Variants in BANK1 observed in about 807,000 individuals in gnomAD.
The protein encoded by BANK1 is B-cell scaffold protein with ankyrin repeats.
Under a neutral mutation model 94.5 loss-of-function variants are expected in BANK1, and 95 were observed. The observed-to-expected ratio is 1.00, with a 90% confidence interval of 0.85 to 1.19. The LOEUF (loss-of-function observed/expected upper bound fraction) is 1.19, where lower values mean the gene tolerates loss of function less well. Among genes scored for constraint, BANK1 ranks in the 50% most tolerant of loss-of-function variants. The pLI, the probability that BANK1 is intolerant of heterozygous loss-of-function variation, is 0.00. For synonymous variants in BANK1, 334 were observed against 308.4 expected (o/e 1.08, Z -0.87); for missense variants, 987 against 932.2 (o/e 1.06, Z -0.77).
chr4:102,003,241 T>G (rs1257654281), intron 7 of BANK1, among the ~76,000 whole-genome samples: 2 of 152,170 alleles, frequency 1.3e-5, no homozygotes, highest in Non-Finnish European at 2.9e-5. Context: ...TATATTGTTG[T>G]GTAAAAAAGC....
intron 7 of BANK1, among the ~76,000 whole-genome samples, chr4:102,018,555 A>G (rs1726789229): frequency 6.6e-6 from 1 of 152,206 alleles, no homozygotes; most frequent in Non-Finnish European, 1.5e-5. Context: ...AGTCAACAAG[A>G]TATTCTCTTT....
intron 1 of BANK1, among the ~76,000 whole-genome samples, chr4:101,819,255 A>G (rs115605889): frequency 0.025 from 3,798 of 152,222 alleles, 56 homozygotes; most frequent in South Asian, 0.046. Context: ...TTTCCCTAGT[A>G]CACGTGCCTT....
intron 7 of BANK1, chr4:101,972,728 G>A (rs1161422643): frequency 6.6e-6 from 1 of 151,992 alleles, no homozygotes; most frequent in African/African-American, 2.4e-5. Flanking sequence ...CACAGCTCTT[G>A]TCATAACTCA....
chr4:101,914,554 C>T (rs1465476562), intron 6 of BANK1, among the ~76,000 whole-genome samples: 8 of 152,196 alleles, frequency 5.3e-5, no homozygotes, highest in East Asian at 3.9e-4. Context: ...ATAAAGTAAT[C>T]GAATAAGTCA....
At chr4:101,998,127 CA>C (rs1247406459) in intron 7 of BANK1, among the ~76,000 whole-genome samples, 2 of 152,136 alleles carry the variant, frequency 1.3e-5, no homozygotes, top group Non-Finnish European at 2.9e-5. Flanking sequence ...TCTTTGTTCC[CA>C]TTGGTTTCAA....
intron 10 of BANK1, among the ~76,000 whole-genome samples, chr4:102,038,980 G>A (rs958252406): frequency 2.6e-5 from 4 of 152,002 alleles, no homozygotes; most frequent in South Asian, 2.1e-4. Context: ...GAATTTTTAC[G>A]CCATTTTCCT....
chr4:101,854,451 G>A (rs1054666587), intron 2 of BANK1, among the ~76,000 whole-genome samples: 7 of 152,104 alleles, frequency 4.6e-5, no homozygotes, highest in African/African-American at 1.7e-4. Flanking sequence ...TAGTAATACT[G>A]CTATAAGGAA....
intron 5 of BANK1, among the ~76,000 whole-genome samples, chr4:101,871,138 A>G (rs1265599246): frequency 6.6e-6 from 1 of 152,038 alleles, no homozygotes; most frequent in African/African-American, 2.4e-5. Context: ...TGTTTTTCTT[A>G]GTTTCATTTA....
chr4:102,025,317 A>G lies in BANK1; in HGVS notation c.1402A>G (p.Thr468Ala). 2 of 1,614,092 alleles carry G rather than the reference A, an allele frequency of 1.2e-6. No individual in the cohort carries two copies. The highest frequency in any genetic ancestry group is 1.7e-6 in the Non-Finnish European group (2 of 1,180,016). The change falls in exon 9 of 17, where the codon ACC (threonine) becomes GCC (alanine). Residue 468 changes from threonine to alanine, a missense_variant. Physicochemically the swap from Thr to Ala is moderately conservative, Grantham distance 58 (BLOSUM62 0). Coordinates refer to ENST00000322953, the MANE Select transcript of BANK1 (RefSeq NM_017935.5). ...AAAACAGAATGGATCAGGCATGGAGACCAAACACAGCCCACTAGAGGTTGG... is the reference window on the plus strand; with the variant it reads ...AAAACAGAATGGATCAGGCATGGAGGCCAAACACAGCCCACTAGAGGTTGG... The part of the protein sequence containing the change: ...EGKQNGSGME[T>A]KHSPLEVGSE...
intron 10 of BANK1, among the ~76,000 whole-genome samples, chr4:102,039,642 C>A (rs1347196900): frequency 6.6e-6 from 1 of 152,042 alleles, no homozygotes; most frequent in Non-Finnish European, 1.5e-5. Context: ...TATCAGTAAG[C>A]AGTAATGGCA....
intron 6 of BANK1, among the ~76,000 whole-genome samples, chr4:101,909,560 A>T (rs574322996): frequency 6.6e-6 from 1 of 152,298 alleles, no homozygotes; most frequent in South Asian, 2.1e-4. Context: ...ACACAAAAAA[A>T]TGCCTTTAAG....
At chr4:101,949,510 T>C (rs1216080042) in intron 7 of BANK1, among the ~76,000 whole-genome samples, 2 of 152,146 alleles carry the variant, frequency 1.3e-5, no homozygotes, top group South Asian at 2.1e-4. Context: ...TACTTAACAT[T>C]GCTGGGCGCA....
intron 11 of BANK1, among the ~76,000 whole-genome samples, chr4:102,044,182 TC>T (rs1727798161): frequency 6.6e-6 from 1 of 151,976 alleles, no homozygotes; most frequent in South Asian, 2.1e-4. Context: ...CCCTCCCCAC[TC>T]CCCTCACCCC....
chr4:101,908,986 G>A (rs759999435), intron 6 of BANK1, among the ~76,000 whole-genome samples: 3 of 152,186 alleles, frequency 2.0e-5, no homozygotes, highest in Non-Finnish European at 4.4e-5. Context: ...GACCATTGTG[G>A]AAGACAGTGT....
chr4:101,952,142 T>C (rs1348339635), intron 7 of BANK1, among the ~76,000 whole-genome samples: 2 of 152,166 alleles, frequency 1.3e-5, no homozygotes, highest in African/African-American at 4.8e-5. Flanking sequence ...TCACTTGATG[T>C]TGTTGATAGG....
intron 3 of BANK1, among the ~76,000 whole-genome samples, chr4:101,861,866 C>T (rs1486015381): frequency 6.6e-6 from 1 of 151,910 alleles, no homozygotes; most frequent in Non-Finnish European, 1.5e-5. Context: ...AATATTTTTT[C>T]ACAAAGTTAT....
At chr4:101,956,278 A>G (rs73834506) in intron 7 of BANK1, among the ~76,000 whole-genome samples, 151 of 152,278 alleles carry the variant, frequency 9.9e-4, no homozygotes, top group African/African-American at 3.4e-3. Context: ...AGTGACCTCT[A>G]CTTCCTCAAG....
chr4:101,842,432 A>G (rs1408958688), intron 2 of BANK1, among the ~76,000 whole-genome samples: 1 of 152,214 alleles, frequency 6.6e-6, no homozygotes, highest in Non-Finnish European at 1.5e-5. Context: ...TAATTGTCAC[A>G]AAAACATTAG....
chr4:101,991,162 T>C (rs1451130029), intron 7 of BANK1, among the ~76,000 whole-genome samples: 1 of 152,200 alleles, frequency 6.6e-6, no homozygotes. Context: ...AAGGACTGAG[T>C]TGGGATTTGA....
Sources: gnomAD v4.1 joint callset for allele counts (sites outside exome capture counted in the v4.1 genomes callset) on GRCh38, gnomAD v4.1.1 for gene constraint, MANE v1.5 for transcripts, NCBI Gene and HGNC (gene_info 2026-07-23, HGNC 2026-07-21) for gene names.